The following FBN2 variants were observed in gnomAD, a reference collection of about 807,000 sequenced individuals.
FBN2 encodes fibrillin-2.
Under a neutral mutation model 355.6 loss-of-function variants are expected in FBN2, and 105 were observed. The observed-to-expected ratio is 0.30, with a 90% CI of 0.25 to 0.35. The LOEUF is 0.35. Ranked by LOEUF, FBN2 falls within the 10% of genes least tolerant of loss-of-function variation. The pLI is 1.00. For synonymous variants in FBN2, 1,350 were observed against 1,301.2 expected (o/e 1.04, Z -0.81); for missense variants, 3,280 against 3,758.7 (o/e 0.87, Z 3.33).
intron 5 of FBN2, among the ~76,000 whole-genome samples, chr5:128,475,907 T>C (rs1754996428): frequency 6.6e-6 from 1 of 152,164 alleles, no homozygotes; most frequent in African/African-American, 2.4e-5. Flanking sequence ...TAAAACTTAA[T>C]AATAGCCTGA....
In FBN2 at chr5:128,463,173, T is replaced by C. The variant is rs139616917; in HGVS notation, c.826+1551A>G. ...CCACTATATAAATTACATGGTAATC[T>C]GTATACTAAGATGTAGTAAAGACCA... is the stretch of plus-strand genomic sequence containing the variant. On this transcript the variant is annotated intron_variant, in intron 6 of 64. Coordinates refer to ENST00000262464, the MANE Select transcript of FBN2 (RefSeq NM_001999.4). Among the ~76,000 whole-genome samples the C allele has an allele frequency of 1.1e-4, 17 of 152,234 alleles. No homozygotes were observed. In the East Asian group the frequency reaches 3.1e-3, roughly 28 times the overall value.
intron 5 of FBN2, among the ~76,000 whole-genome samples, chr5:128,481,043 A>G (rs1250003067): frequency 2.0e-5 from 3 of 152,128 alleles, no homozygotes; most frequent in Non-Finnish European, 2.9e-5. Flanking sequence ...TATTTTCTCT[A>G]TTATTCAAGC....
chr5:128,490,730 C>A (rs970535303), intron 5 of FBN2, among the ~76,000 whole-genome samples: 1 of 152,146 alleles, frequency 6.6e-6, no homozygotes, highest in Non-Finnish European at 1.5e-5. Flanking sequence ...GCACATGGCA[C>A]ATGTTCAATA....
intron 54 of FBN2, 75 bp downstream of exon 54, chr5:128,287,233 G>T: frequency 6.5e-7 from 1 of 1,527,588 alleles, no homozygotes; most frequent in South Asian, 1.1e-5. Context: ...AATTAGTTGA[G>T]AACTATAAAA....
At chr5:128,279,513 G>T (rs1765480333) in intron 56 of FBN2, among the ~76,000 whole-genome samples, 1 of 151,886 alleles carries the variant, frequency 6.6e-6, no homozygotes, top group Non-Finnish European at 1.5e-5. Flanking sequence ...ATGTTTTTTT[G>T]ATCAAAAATT....
chr5:128,288,185 A>C lies in FBN2; in HGVS notation c.6757+253T>G, dbSNP rs144135722. On this transcript the variant is annotated intron_variant, in intron 53 of 64. Coordinates refer to ENST00000262464, the MANE Select transcript of FBN2 (RefSeq NM_001999.4). ...GAAACTGTGACTCCATTTCAAGGGA[A>C]TAGACAATCAAGAGATGCCAACCCT... Among the ~76,000 whole-genome samples the C allele has an allele frequency of 1.7e-3, 260 of 152,316 alleles. 5 individuals carry two copies. The highest frequency in any genetic ancestry group is 6.1e-3 in the African/African-American group (253 of 41,576).
chr5:128,533,804 T>A (rs1756772135), intron 2 of FBN2, among the ~76,000 whole-genome samples: 1 of 152,024 alleles, frequency 6.6e-6, no homozygotes, highest in South Asian at 2.1e-4. Context: ...CATAGCATAA[T>A]TTCACAATAA....
chr5:128,291,764 T>C (rs1749329855), intron 48 of FBN2, 110 bp from the exon 49 acceptor site: 1 of 1,064,510 alleles, frequency 9.4e-7, no homozygotes, highest in Non-Finnish European at 1.5e-6. Flanking sequence ...AGATATTACG[T>C]TGTATGTTTA....
chr5:128,512,009 TA>T (rs1756142851), intron 5 of FBN2, among the ~76,000 whole-genome samples: 7 of 152,098 alleles, frequency 4.6e-5, no homozygotes, highest in Admixed American at 3.9e-4. Flanking sequence ...ACATTTACAA[TA>T]AAAACATGTC....
At chr5:128,455,975 G>C (rs72785140) in intron 6 of FBN2, among the ~76,000 whole-genome samples, 1,603 of 116,064 alleles carry the variant, frequency 0.014, 10 homozygotes, top group Non-Finnish European at 0.024. Context: ...GAGCTCCTTG[G>C]GGGAGGGTTA....
intron 15 of FBN2, among the ~76,000 whole-genome samples, chr5:128,373,940 G>A (rs966041837): frequency 2.6e-5 from 4 of 152,068 alleles, no homozygotes; most frequent in African/African-American, 9.7e-5. Context: ...AACATTTTGA[G>A]CTTTTGATGC....
intron 6 of FBN2, among the ~76,000 whole-genome samples, 185 bp downstream of exon 6, chr5:128,464,539 C>T (rs1754651187): frequency 6.6e-6 from 1 of 152,170 alleles, no homozygotes; most frequent in Non-Finnish European, 1.5e-5. Flanking sequence ...TTAATGTCAA[C>T]AGTTGAAACA....
chr5:128,347,045 G>A (rs1470996836), intron 23 of FBN2, among the ~76,000 whole-genome samples: 1 of 152,126 alleles, frequency 6.6e-6, no homozygotes, highest in African/African-American at 2.4e-5. Context: ...CTTATAGCTG[G>A]TTCCGTCCCA....
intron 42 of FBN2, 80 bp downstream of exon 42, chr5:128,307,055 T>C: frequency 1.1e-6 from 1 of 937,610 alleles, no homozygotes; most frequent in Admixed American, 1.7e-5. Flanking sequence ...GTGGTACTCT[T>C]GAATTTTAAA....
intron 39 of FBN2, among the ~76,000 whole-genome samples, chr5:128,311,091 G>A (rs964281020): frequency 2.0e-5 from 3 of 151,256 alleles, no homozygotes; most frequent in Non-Finnish European, 4.4e-5. Context: ...CAACCCTCCT[G>A]GAAAAATACA....
chr5:128,475,438 C>G (rs1754983865), intron 5 of FBN2, among the ~76,000 whole-genome samples: 1 of 151,986 alleles, frequency 6.6e-6, no homozygotes. Flanking sequence ...CTGCTTCAAG[C>G]TAAATTAGTT....
chr5:128,392,757 G>A (rs1752548734), intron 10 of FBN2, among the ~76,000 whole-genome samples: 1 of 152,134 alleles, frequency 6.6e-6, no homozygotes, highest in African/African-American at 2.4e-5. Flanking sequence ...CATGAACAGG[G>A]CAGCTTTAAA....
intron 5 of FBN2, among the ~76,000 whole-genome samples, chr5:128,473,867 T>C (rs552351294): frequency 2.6e-5 from 4 of 152,352 alleles, no homozygotes; most frequent in African/African-American, 9.6e-5. Context: ...AGTAATTACT[T>C]TAATTACCAC....
At chr5:128,296,302 T>C (rs1300262167) in intron 48 of FBN2, among the ~76,000 whole-genome samples, 3 of 152,036 alleles carry the variant, frequency 2.0e-5, no homozygotes, top group Admixed American at 6.6e-5. Flanking sequence ...AATTCTCTTT[T>C]TTGGTTGTGT....
Sources: allele counts gnomAD v4.1 joint callset (sites outside exome capture counted in the v4.1 genomes callset), GRCh38; gene constraint gnomAD v4.1.1; transcripts MANE v1.5; gene names NCBI Gene and HGNC (gene_info 2026-07-23, HGNC 2026-07-21).